The following EPHA6 variants were observed in gnomAD, a reference collection of about 807,000 sequenced individuals.
EPHA6 encodes ephrin type-A receptor 6.
A neutral mutation model predicts 112.0 loss-of-function variants in EPHA6; 50 were observed. The ratio of observed to expected loss-of-function variants is 0.45; its 90% CI spans 0.36 to 0.56. The LOEUF (loss-of-function observed/expected upper bound fraction) is 0.56. Among genes scored for constraint, EPHA6 ranks in the 20% least tolerant of loss-of-function variants. The probability of loss-of-function intolerance (pLI) is 0.00; values close to 1 mark genes in which losing one functional copy is unlikely to be tolerated. For missense variants in EPHA6, 1,280 were observed against 1,417.4 expected (o/e 0.90, Z 1.56); for synonymous variants, 529 against 490.7 (o/e 1.08, Z -1.03).
At chr3:97,277,167 T>G (rs2080115574) in intron 5 of EPHA6, among the ~76,000 whole-genome samples, 1 of 152,048 alleles carries the variant, frequency 6.6e-6, no homozygotes, top group Non-Finnish European at 1.5e-5. Context: ...CTAACAGGCT[T>G]TGTGTGAGCA....
chr3:96,822,812 T>G (rs993258594), intron 1 of EPHA6, among the ~76,000 whole-genome samples: 1 of 151,168 alleles, frequency 6.6e-6, no homozygotes, highest in Admixed American at 6.6e-5. Context: ...GCTACATGAG[T>G]GTTGCAAAGA....
rs574078634 is a variant in EPHA6, at chr3:97,482,239, G to T, written c.2075-1695G>T. Among the ~76,000 whole-genome samples, 40 of 152,330 alleles carry T rather than the reference G, an allele frequency of 2.6e-4. 1 individual carries two copies. Among genetic ancestry groups the T allele is most frequent in the African/African-American group, 7.2e-4 (30 of 41,572 alleles). On this transcript the variant is annotated intron_variant, in intron 9 of 17. Coordinates refer to ENST00000389672, the MANE Select transcript of EPHA6 (RefSeq NM_001080448.3). The stretch of plus-strand genomic sequence containing the variant: ...TAAAACCACATATGAGTTAATAAAT[G>T]ATGCTTGTTATCTGTGCCTAGCATA...
chr3:96,959,922 A>T (rs548231445), intron 2 of EPHA6, among the ~76,000 whole-genome samples: 2 of 152,196 alleles, frequency 1.3e-5, no homozygotes, highest in South Asian at 4.1e-4. Context: ...GTAGAGAAAA[A>T]TATGAGGGCA....
At chr3:97,448,884 T>A (rs1369033313) in intron 7 of EPHA6, among the ~76,000 whole-genome samples, 154 bp downstream of exon 7, 1 of 152,178 alleles carries the variant, frequency 6.6e-6, no homozygotes, top group African/African-American at 2.4e-5. Context: ...CAGTTAATAT[T>A]TGTTGCTATC....
chr3:97,615,406 G>A (rs535516633), intron 13 of EPHA6, among the ~76,000 whole-genome samples: 12 of 152,262 alleles, frequency 7.9e-5, no homozygotes, highest in African/African-American at 2.9e-4. Context: ...CTCAGGCAAG[G>A]TGAAAAGTTG....
At chr3:97,547,457 A>G (rs2092968817) in intron 11 of EPHA6, among the ~76,000 whole-genome samples, 1 of 151,968 alleles carries the variant, frequency 6.6e-6, no homozygotes, top group Non-Finnish European at 1.5e-5. Context: ...CGGCTGTGTG[A>G]GGTGTCAGTC....
At chr3:97,315,673 A>G (rs939737386) in intron 5 of EPHA6, among the ~76,000 whole-genome samples, 2 of 151,768 alleles carry the variant, frequency 1.3e-5, no homozygotes, top group Non-Finnish European at 3.0e-5. Flanking sequence ...AAATTTTCTT[A>G]TTGGTGTAAA....
chr3:97,243,951 G>A lies in EPHA6; in HGVS notation c.1271-1G>A, dbSNP rs1295679607. On this transcript the variant is annotated splice_acceptor_variant, in intron 4 of 17. Transcript: ENST00000389672. LOFTEE classifies it high-confidence loss of function. ...TTTGTTTTTTAATTGCTTTTCTCTA[G>A]GGCCACCTTCAGCTCCTAGGAATGT... The A allele has an allele frequency of 6.3e-7, 1 of 1,597,890 alleles. No individual in the cohort carries two copies.
intron 4 of EPHA6, among the ~76,000 whole-genome samples, chr3:97,237,165 TG>T (rs1204854268): frequency 6.7e-6 from 1 of 148,358 alleles, no homozygotes; most frequent in Non-Finnish European, 1.5e-5. Context: ...AACGACAGTT[TG>T]TTTTTTTTGT....
chr3:96,940,788 G>T (rs1230458054), intron 2 of EPHA6, among the ~76,000 whole-genome samples: 4 of 152,134 alleles, frequency 2.6e-5, no homozygotes, highest in Non-Finnish European at 5.9e-5. Flanking sequence ...TTTTAGGGCA[G>T]GCCTGGTGGT....
At chr3:97,172,604 G>T (rs1330785943) in intron 3 of EPHA6, among the ~76,000 whole-genome samples, 3 of 151,782 alleles carry the variant, frequency 2.0e-5, no homozygotes, top group Non-Finnish European at 3.0e-5. Flanking sequence ...AGTTTTTTTG[G>T]GGGGGACTGA....
intron 6 of EPHA6, among the ~76,000 whole-genome samples, chr3:97,412,415 T>A (rs2087785098): frequency 6.6e-6 from 1 of 152,092 alleles, no homozygotes; most frequent in African/African-American, 2.4e-5. Context: ...CATACATTTC[T>A]GAATTTGCTT....
chr3:97,293,813 A>AC (rs1440136065), intron 5 of EPHA6, among the ~76,000 whole-genome samples: 2 of 152,142 alleles, frequency 1.3e-5, no homozygotes, highest in African/African-American at 4.8e-5. Context: ...GCTGTCATCA[A>AC]CATGTCCATG....
At chr3:97,136,483 AAGGT>A (rs1341571641) in intron 3 of EPHA6, among the ~76,000 whole-genome samples, 1 of 152,068 alleles carries the variant, frequency 6.6e-6, no homozygotes, top group African/African-American at 2.4e-5. Context: ...TTGGGAGACC[AAGGT>A]AGGAGGATTG....
At chr3:97,557,356 C>A (rs187946450) in intron 11 of EPHA6, among the ~76,000 whole-genome samples, 19 of 152,028 alleles carry the variant, frequency 1.2e-4, no homozygotes, top group Admixed American at 3.3e-4. Flanking sequence ...ATGTGAGATG[C>A]CTGGCATTAT....
At chr3:97,205,868 T>C (rs1267865968) in intron 3 of EPHA6, among the ~76,000 whole-genome samples, 3 of 152,160 alleles carry the variant, frequency 2.0e-5, no homozygotes, top group Non-Finnish European at 4.4e-5. Flanking sequence ...AATTGCATTA[T>C]GCATCATCTC....
At chr3:97,576,381 A>G (rs946397298) in intron 11 of EPHA6, among the ~76,000 whole-genome samples, 8 of 152,116 alleles carry the variant, frequency 5.3e-5, no homozygotes, top group African/African-American at 1.7e-4. Context: ...GTCATCCACT[A>G]AAGAGTTACA....
chr3:97,501,032 G>A (rs1183309373), intron 10 of EPHA6, among the ~76,000 whole-genome samples: 1 of 152,016 alleles, frequency 6.6e-6, no homozygotes, highest in Non-Finnish European at 1.5e-5. Context: ...TACTATTTGG[G>A]ATAACAGTTC....
chr3:97,477,728 A>T (rs2091415813), intron 8 of EPHA6, among the ~76,000 whole-genome samples: 1 of 152,130 alleles, frequency 6.6e-6, no homozygotes, highest in African/African-American at 2.4e-5. Context: ...CCTCTATAAC[A>T]TTAATGCTGC....
Sources: allele counts gnomAD v4.1 joint callset (sites outside exome capture counted in the v4.1 genomes callset), GRCh38; gene constraint gnomAD v4.1.1; transcripts MANE v1.5; gene names NCBI Gene and HGNC (gene_info 2026-07-23, HGNC 2026-07-21).